Variants in TIMELESS observed in about 807,000 individuals in gnomAD.
TIMELESS encodes the protein protein timeless homolog.
TIMELESS carries 124 observed loss-of-function variants against 164.3 expected under a neutral mutation model. The ratio of observed to expected loss-of-function variants is 0.75; its 90% CI spans 0.65 to 0.88. The LOEUF (loss-of-function observed/expected upper bound fraction) is 0.88, where lower values mean the gene tolerates loss of function less well. Among genes scored for constraint, TIMELESS ranks in the 40% least tolerant of loss-of-function variants. The pLI is 0.00. For missense variants in TIMELESS, 1,422 were observed against 1,491.4 expected, an observed-to-expected ratio of 0.95 and a Z score of 0.77; for synonymous variants, 564 against 563.4, an observed-to-expected ratio of 1.00 and a Z score of -0.02.
chr12:56,445,069 T>C (rs1868329607), intron 1 of TIMELESS, among the ~76,000 whole-genome samples: 1 of 152,008 alleles, frequency 6.6e-6, no homozygotes, highest in South Asian at 2.1e-4. Flanking sequence ...TGTCTCCACT[T>C]TGGCTCTCTC....
rs773486501 is a variant in TIMELESS at position 56,423,312 on chromosome 12, TG to T, written c.2253del (p.Phe751LeufsTer16). 6.2e-7 allele frequency: 1 copy of T among 1,614,076 alleles called. No homozygotes were observed. The highest frequency in any genetic ancestry group is 1.1e-5 in the South Asian group (1 of 91,074). On this transcript the variant is annotated frameshift_variant, in exon 18 of 29. Coordinates refer to ENST00000553532, the MANE Select transcript of TIMELESS (RefSeq NM_003920.5). LOFTEE classifies it high-confidence loss of function. ...GCAGCAGGGTCACTAAGCAGACGAT[TG>T]AAGAGGCAGAAGACTGACAGCTGAA... is the stretch of plus-strand genomic sequence containing the variant. ...LLFQLSVFCL[F>X]NRLLSDPAAG...
At chr12:56,446,583 C>T (rs1253463264) in intron 1 of TIMELESS, among the ~76,000 whole-genome samples, 2 of 152,112 alleles carry the variant, frequency 1.3e-5, no homozygotes, top group Non-Finnish European at 2.9e-5. Flanking sequence ...GTAATCCCAG[C>T]ACTTTGGGTG....
At chr12:56,448,718 G>C (rs911215872) in intron 1 of TIMELESS, among the ~76,000 whole-genome samples, 1 of 151,332 alleles carries the variant, frequency 6.6e-6, no homozygotes. Context: ...GACAGAACGA[G>C]ACTCCGTCTC....
At chr12:56,419,216 T>G (rs893941281) in intron 26 of TIMELESS, among the ~76,000 whole-genome samples, 1 of 151,748 alleles carries the variant, frequency 6.6e-6, no homozygotes, top group African/African-American at 2.4e-5. Flanking sequence ...GGTCTTGAAC[T>G]CCTGACCTCA....
At chr12:56,441,822 G>T (rs1466662442) in intron 1 of TIMELESS, among the ~76,000 whole-genome samples, 1 of 152,134 alleles carries the variant, frequency 6.6e-6, no homozygotes, top group Non-Finnish European at 1.5e-5. Flanking sequence ...GGTGGCTCAC[G>T]CCTGTAATCC....
intron 15 of TIMELESS, 112 bp downstream of exon 15, chr12:56,424,650 G>C: frequency 2.2e-6 from 3 of 1,384,330 alleles, no homozygotes; most frequent in Middle Eastern, 2.7e-4. Context: ...TTGGTATACA[G>C]TCCCAGAGCC....
At position 56,429,119 on chromosome 12, in the gene TIMELESS, A is replaced by G. The variant is rs1881782160; in HGVS notation, c.1087-19T>C. The G allele has an allele frequency of 6.2e-7, 1 of 1,603,658 alleles. No homozygotes were observed. Among genetic ancestry groups the G allele is most frequent in the South Asian group, 1.1e-5 (1 of 89,850 alleles). The stretch of plus-strand genomic sequence containing the variant: ...GGTGATCCTGACATTTAAAAAAGAA[A>G]AAAAAAGATCACCATGACTCCAGGG... On this transcript the variant is annotated intron_variant, in intron 10 of 28. Coordinates refer to ENST00000553532, the MANE Select transcript of TIMELESS (RefSeq NM_003920.5).
rs1881304298 is a variant in TIMELESS at position 56,417,515 on chromosome 12, A to C, written c.*201T>G. On this transcript the variant is annotated 3_prime_UTR_variant, in exon 29 of 29. Coordinates refer to ENST00000553532, the MANE Select transcript of TIMELESS (RefSeq NM_003920.5). ...GAGAGCTGCTGGGGCATACCGATAA[A>C]AACTGGGAGAAACAAAGACTGACAG... 6 of 577,688 alleles carry C rather than the reference A, an allele frequency of 1.0e-5. No individual in the cohort carries two copies. Among genetic ancestry groups the C allele is most frequent in the African/African-American group, 7.5e-5 (4 of 53,578 alleles). 35.8% of individuals were successfully genotyped at this position (577,688 alleles called of 1,614,324 possible). A position where few individuals can be genotyped will look rare whatever the true frequency, so the allele number is the denominator to read the frequency against.
At position 56,418,189 on chromosome 12, in the gene TIMELESS, G is replaced by A; in HGVS notation, c.3399C>T (p.Ala1133=). 6.2e-7 allele frequency: 1 copy of A among 1,614,188 alleles called. No homozygotes were observed. Among genetic ancestry groups the A allele is most frequent in the Non-Finnish European group, 8.5e-7 (1 of 1,180,032 alleles). ...TGTGGGCTAGCAAGAGGGCCCTCAG[G>A]GCTTGTGCTCGGTGCTCTTTACAGT... ...EEHCKEHRAQ[A]LRALLLAHKK... The change falls in exon 27 of 29, where the codon GCC becomes GCT. Residue 1133 remains alanine, a synonymous_variant. Coordinates refer to ENST00000553532, the MANE Select transcript of TIMELESS (RefSeq NM_003920.5).
intron 13 of TIMELESS, among the ~76,000 whole-genome samples, chr12:56,427,641 T>C (rs1881720840): frequency 6.6e-6 from 1 of 152,206 alleles, no homozygotes; most frequent in Admixed American, 6.5e-5. Flanking sequence ...TGCAGTGACA[T>C]GATCTTGGCT....
At chr12:56,432,319 C>G (rs1220949591) in intron 7 of TIMELESS, 50 bp downstream of exon 7, 2 of 1,569,882 alleles carry the variant, frequency 1.3e-6, no homozygotes, top group African/African-American at 2.7e-5. Context: ...GGCTGTACAG[C>G]AGAAAAGTAC....
rs1881884952 is a variant in TIMELESS, at chr12:56,431,583, C to T, written c.709G>A (p.Val237Ile). 1 of 1,613,176 alleles carries T rather than the reference C, an allele frequency of 6.2e-7. No individual in the cohort carries two copies. The highest frequency in any genetic ancestry group is 2.2e-5 in the East Asian group (1 of 44,764). ...RDQNPEQLAG[V>I]GQGRLAQERS... ...TCCTGAGCTAAGCGTCCCTGCCCTACTCCCGCCAGCTGCTCGGGGTTCTAG... is the reference window on the plus strand; with the variant it reads ...TCCTGAGCTAAGCGTCCCTGCCCTATTCCCGCCAGCTGCTCGGGGTTCTAG... Residue 237 changes from valine (V) to isoleucine (I), a missense_variant, in exon 8 of 29, where the codon GTA becomes ATA. Transcript: ENST00000553532.
intron 1 of TIMELESS, among the ~76,000 whole-genome samples, chr12:56,440,950 TG>T (rs1257439426): frequency 6.6e-6 from 1 of 151,858 alleles, no homozygotes; most frequent in East Asian, 1.9e-4. Context: ...CCCAAGTAGC[TG>T]GGATTACAGG....
At position 56,434,085 on chromosome 12, in the gene TIMELESS, G is replaced by A; in HGVS notation, c.86C>T (p.Pro29Leu). The change falls in exon 2 of 29, where the codon CCA becomes CTA. Residue 29 changes from proline to leucine, a missense_variant. By Grantham distance (98) the Pro-to-Leu change is moderately conservative. Transcript: ENST00000553532. ...AAAAAGGTACTCACCTAAGCAATCT[G>A]GTTCCTTATGGTAAGTGTCTCCCTC... ...YLEGDTYHKE[P>L]DCLESVKDLI... 3 of 1,613,978 alleles carry A rather than the reference G, an allele frequency of 1.9e-6. No homozygotes were observed. Among genetic ancestry groups the A allele is most frequent in the Non-Finnish European group, 2.5e-6 (3 of 1,179,906 alleles).
At chr12:56,440,726 CT>C (rs1469919570) in intron 1 of TIMELESS, among the ~76,000 whole-genome samples, 16 of 152,250 alleles carry the variant, frequency 1.1e-4, no homozygotes, top group Middle Eastern at 3.2e-3. Flanking sequence ...CTTCAGACCA[CT>C]GCCAATCCAC....
chr12:56,434,935 G>A (rs552801925), intron 1 of TIMELESS, among the ~76,000 whole-genome samples: 1 of 152,278 alleles, frequency 6.6e-6, no homozygotes, highest in South Asian at 2.1e-4. Context: ...CTACTCGGGA[G>A]GCCGGCTGAG....
At chr12:56,419,069 A>G (rs1428044828) in intron 26 of TIMELESS, among the ~76,000 whole-genome samples, 1 of 149,392 alleles carries the variant, frequency 6.7e-6, no homozygotes, top group Non-Finnish European at 1.5e-5. Context: ...GCAAAGCAAT[A>G]AAGGCTCACC....
intron 9 of TIMELESS, among the ~76,000 whole-genome samples, 179 bp from the exon 10 acceptor site, chr12:56,430,460 G>C (rs963929235): frequency 1.3e-5 from 2 of 151,792 alleles, no homozygotes; most frequent in Admixed American, 6.6e-5. Flanking sequence ...TGAACTCCTG[G>C]GCTCAAGGAA....
At chr12:56,439,553 T>G (rs1868249804) in intron 1 of TIMELESS, among the ~76,000 whole-genome samples, 1 of 151,908 alleles carries the variant, frequency 6.6e-6, no homozygotes, top group South Asian at 2.1e-4. Flanking sequence ...CAATACCACA[T>G]CTGGCTAATT....
Sources: gnomAD v4.1 joint callset for allele counts (sites outside exome capture counted in the v4.1 genomes callset) on GRCh38, gnomAD v4.1.1 for gene constraint, MANE v1.5 for transcripts, NCBI Gene and HGNC (gene_info 2026-07-23, HGNC 2026-07-21) for gene names.